IGSF21: variants seen among roughly 807,000 people sequenced by gnomAD.
IGSF21 encodes immunoglobin superfamily member 21.
A neutral mutation model predicts 46.8 loss-of-function variants in IGSF21; 28 were observed. That is an observed-to-expected ratio of 0.60 (90% CI 0.44 to 0.82). The LOEUF (loss-of-function observed/expected upper bound fraction) is 0.82, where lower values mean the gene tolerates loss of function less well. IGSF21 is among the 40% of genes least tolerant of loss of function. The pLI is 0.00. For missense variants in IGSF21, 624 were observed against 665.5 expected, an observed-to-expected ratio of 0.94 and a Z score of 0.69; for synonymous variants, 284 against 273.6, an observed-to-expected ratio of 1.04 and a Z score of -0.38.
chr1:18,289,375 G>A (rs2085245600), intron 2 of IGSF21, among the ~76,000 whole-genome samples: 1 of 152,220 alleles, frequency 6.6e-6, no homozygotes, highest in South Asian at 2.1e-4. Context: ...CACCAGGGGT[G>A]GAAAGGGACG....
At chr1:18,224,540 C>T (rs1245524207) in intron 1 of IGSF21, among the ~76,000 whole-genome samples, 3 of 152,158 alleles carry the variant, frequency 2.0e-5, no homozygotes, top group Non-Finnish European at 4.4e-5. Flanking sequence ...ATTATGGGCT[C>T]TTCTGCTAAA....
chr1:18,309,086 C>A (rs1039953651), intron 3 of IGSF21, among the ~76,000 whole-genome samples: 3 of 152,008 alleles, frequency 2.0e-5, no homozygotes, highest in Admixed American at 2.0e-4. Flanking sequence ...CCATACTCCC[C>A]GCCCCCAGCT....
chr1:18,250,055 C>T (rs544395872), intron 2 of IGSF21, among the ~76,000 whole-genome samples: 1 of 133,912 alleles, frequency 7.5e-6, no homozygotes, highest in East Asian at 2.2e-4. Flanking sequence ...TTTCTCCTCC[C>T]CTCCCTCCTC....
intron 1 of IGSF21, among the ~76,000 whole-genome samples, chr1:18,225,085 T>TCTCTCTCTCTCACACACACACACACACA: frequency 5.8e-5 from 3 of 51,610 alleles, no homozygotes; most frequent in Admixed American, 4.2e-4. Context: ...TCTCTCTCTC[T>TCTCTCTCTCTCACACACACACACACACA]CACACACACA....
intron 1 of IGSF21, among the ~76,000 whole-genome samples, chr1:18,222,186 A>C (rs1252036614): frequency 6.6e-6 from 1 of 151,662 alleles, no homozygotes; most frequent in Admixed American, 6.6e-5. Context: ...CCATTCAGAA[A>C]CCTCTCCAGG....
intron 1 of IGSF21, among the ~76,000 whole-genome samples, chr1:18,162,506 C>T (rs917463905): frequency 4.7e-5 from 6 of 128,878 alleles, no homozygotes; most frequent in Non-Finnish European, 1.0e-4. Flanking sequence ...GCCATCAGGA[C>T]AGTGATACAC....
intron 2 of IGSF21, among the ~76,000 whole-genome samples, chr1:18,269,450 C>A (rs1229483880): frequency 6.6e-6 from 1 of 152,116 alleles, no homozygotes; most frequent in African/African-American, 2.4e-5. Context: ...ATAAATGATA[C>A]GTTTACAAGG....
chr1:18,355,938 C>T (rs973367581), intron 4 of IGSF21, among the ~76,000 whole-genome samples: 8 of 149,106 alleles, frequency 5.4e-5, no homozygotes, highest in Non-Finnish European at 8.9e-5. Context: ...CGGGTTCAAG[C>T]GATTCTCCTG....
intron 1 of IGSF21, among the ~76,000 whole-genome samples, chr1:18,152,919 G>C (rs889676047): frequency 6.6e-6 from 1 of 152,298 alleles, no homozygotes; most frequent in Admixed American, 6.5e-5. Context: ...AATATCCAAG[G>C]CTATCTTATA....
At chr1:18,127,831 C>T (rs2086286343) in intron 1 of IGSF21, among the ~76,000 whole-genome samples, 1 of 152,134 alleles carries the variant, frequency 6.6e-6, no homozygotes, top group Admixed American at 6.5e-5. Flanking sequence ...ATCACTTGAA[C>T]CCGGGAAGTC....
At chr1:18,148,697 T>TTGTGGAG (rs1220080689) in intron 1 of IGSF21, among the ~76,000 whole-genome samples, 2 of 152,154 alleles carry the variant, frequency 1.3e-5, no homozygotes, top group African/African-American at 4.8e-5. Context: ...CAGTAGATGT[T>TTGTGGAG]TGTGGAGTGA....
chr1:18,316,315 C>A (rs546187075), intron 3 of IGSF21, among the ~76,000 whole-genome samples: 2 of 152,196 alleles, frequency 1.3e-5, no homozygotes, highest in Non-Finnish European at 2.9e-5. Context: ...AGTTTTTGAG[C>A]TGATTATTGG....
chr1:18,185,600 G>C (rs2086896080), intron 1 of IGSF21, among the ~76,000 whole-genome samples: 1 of 152,160 alleles, frequency 6.6e-6, no homozygotes, highest in Non-Finnish European at 1.5e-5. Flanking sequence ...CTAATTGTGA[G>C]AGCCTGGTGT....
intron 2 of IGSF21, among the ~76,000 whole-genome samples, chr1:18,236,724 C>T (rs1025838322): frequency 4.2e-5 from 2 of 47,696 alleles, no homozygotes; most frequent in Admixed American, 2.2e-4. Flanking sequence ...GATGTGAAGA[C>T]GGTGAGGAGT....
At chr1:18,245,063 GC>G in intron 2 of IGSF21, among the ~76,000 whole-genome samples, 1 of 152,046 alleles carries the variant, frequency 6.6e-6, no homozygotes, top group Non-Finnish European at 1.5e-5. Context: ...ATAATTTCTT[GC>G]CTTATTCCAT....
chr1:18,281,920 G>T (rs148681765), intron 2 of IGSF21, among the ~76,000 whole-genome samples: 3,409 of 152,288 alleles, frequency 0.022, 68 homozygotes, highest in Non-Finnish European at 0.036. Context: ...GGATTTGGGG[G>T]TGTGGTGGAA....
In IGSF21 at chr1:18,334,965, G is replaced by A. The variant is rs543742497; in HGVS notation, c.379G>A (p.Glu127Lys). 6.2e-7 allele frequency: 1 copy of A among 1,614,206 alleles called. No individual in the cohort carries two copies. Among genetic ancestry groups the A allele is most frequent in the South Asian group, 1.1e-5 (1 of 91,084 alleles). Residue 127 changes from glutamate (E) to lysine (K), a missense_variant, in exon 4 of 10, where the codon GAG becomes AAG. Transcript: ENST00000251296. This position sits in a 1 kb window ranked among gnomAD's most constrained non-coding sequence, Gnocchi z 4.3. ...GGGCATCTACGACCGCGCCACCAGG[G>A]AGAAGGTGGTCCTGGCATCAGGCAA... Reference protein sequence around the residue: ...HVGIYDRATREKVVLASGNIF... With the variant: ...HVGIYDRATRKKVVLASGNIF...
intron 1 of IGSF21, among the ~76,000 whole-genome samples, chr1:18,141,223 GGGA>G (rs928903159): frequency 6.6e-6 from 1 of 152,214 alleles, no homozygotes; most frequent in African/African-American, 2.4e-5. Context: ...GAGGAAGACA[GGGA>G]GGAGGAGAGA....
chr1:18,312,231 G>C (rs986367934), intron 3 of IGSF21, among the ~76,000 whole-genome samples: 1 of 152,194 alleles, frequency 6.6e-6, no homozygotes, highest in African/African-American at 2.4e-5. Flanking sequence ...TCTGTTGAAT[G>C]AATGAATTAA....
Sources: allele counts gnomAD v4.1 joint callset (sites outside exome capture counted in the v4.1 genomes callset), GRCh38; gene constraint gnomAD v4.1.1; non-coding constraint Gnocchi (gnomAD v3.1); transcripts MANE v1.5; gene names NCBI Gene and HGNC (gene_info 2026-07-23, HGNC 2026-07-21).